Variants in SMAP1 observed in about 807,000 individuals in gnomAD.
SMAP1 encodes stromal membrane-associated protein 1.
A neutral mutation model predicts 58.5 loss-of-function variants in SMAP1; 24 were observed. That is an observed-to-expected ratio of 0.41 (90% CI 0.30 to 0.58). SMAP1 has a LOEUF of 0.58. Among genes scored for constraint, SMAP1 ranks in the 20% least tolerant of loss-of-function variants. The pLI, the probability that SMAP1 is intolerant of heterozygous loss-of-function variation, is 0.29. For synonymous variants in SMAP1, 216 were observed against 196.6 expected, an observed-to-expected ratio of 1.10 and a Z score of -0.82; for missense variants, 563 against 566.3, an observed-to-expected ratio of 0.99 and a Z score of 0.06.
chr6:70,765,309 G>A (rs1400824278), intron 3 of SMAP1, among the ~76,000 whole-genome samples: 2 of 152,030 alleles, frequency 1.3e-5, no homozygotes, highest in African/African-American at 2.4e-5. Context: ...TAATGAAACC[G>A]GTTTTACCCT....
chr6:70,703,686 G>A (rs1052781438), intron 1 of SMAP1, among the ~76,000 whole-genome samples: 11 of 152,074 alleles, frequency 7.2e-5, no homozygotes, highest in Non-Finnish European at 1.5e-4. Context: ...CCTCACACAC[G>A]TGCACCAATC....
Position 70,667,934 on chromosome 6 carries a change from C to G in SMAP1, c.-90C>G. ...TCCTGGGCTGAGTCCGCCCGCGGTCCCGGCGGCGCCAGGTGCGTTCACTCT... is the reference window on the plus strand; with the variant it reads ...TCCTGGGCTGAGTCCGCCCGCGGTCGCGGCGGCGCCAGGTGCGTTCACTCT... On this transcript the variant is annotated 5_prime_UTR_variant, in exon 1 of 11. Transcript: ENST00000370455. The G allele has an allele frequency of 8.7e-7, 1 of 1,154,730 alleles. No individual in the cohort carries two copies. 71.5% of individuals were successfully genotyped at this position (1,154,730 alleles called of 1,614,324 possible). A position where few individuals can be genotyped will look rare whatever the true frequency, so the allele number is the denominator to read the frequency against.
intron 2 of SMAP1, among the ~76,000 whole-genome samples, chr6:70,754,270 C>G (rs761393803): frequency 6.6e-6 from 1 of 152,040 alleles, no homozygotes; most frequent in Non-Finnish European, 1.5e-5. Flanking sequence ...AGTCATTCCT[C>G]ATAGATGACA....
At chr6:70,844,814 ATAAAAAT>A (rs1770927511) in intron 7 of SMAP1, among the ~76,000 whole-genome samples, 1 of 152,224 alleles carries the variant, frequency 6.6e-6, no homozygotes, top group South Asian at 2.1e-4. Flanking sequence ...CCAAGTAATA[ATAAAAAT>A]TAAGGAGAAA....
At chr6:70,783,632 G>A (rs894121698) in intron 4 of SMAP1, among the ~76,000 whole-genome samples, 29 of 152,274 alleles carry the variant, frequency 1.9e-4, no homozygotes, top group Middle Eastern at 3.4e-3. Flanking sequence ...TGAAAGCCAA[G>A]GCTCAAGAAC....
intron 6 of SMAP1, among the ~76,000 whole-genome samples, chr6:70,803,960 T>G (rs1235229803): frequency 1.3e-5 from 2 of 152,202 alleles, no homozygotes; most frequent in African/African-American, 2.4e-5. Context: ...GAATGTATAT[T>G]CTGTTGATTT....
At chr6:70,711,235 T>G (rs1172836415) in intron 1 of SMAP1, among the ~76,000 whole-genome samples, 2 of 152,210 alleles carry the variant, frequency 1.3e-5, no homozygotes, top group Non-Finnish European at 2.9e-5. Context: ...ATAGGTTTAT[T>G]TACACCAGCA....
intron 6 of SMAP1, among the ~76,000 whole-genome samples, chr6:70,818,320 C>T (rs1769734232): frequency 1.3e-5 from 2 of 151,548 alleles, no homozygotes; most frequent in Admixed American, 6.6e-5. Context: ...GCAGGAGAAT[C>T]ACATGAACCC....
At position 70,754,260 on chromosome 6, in the gene SMAP1, A is replaced by G. The variant is rs116952135; in HGVS notation, c.253-720A>G. Among the ~76,000 whole-genome samples, 897 of 152,246 alleles carry G rather than the reference A, an allele frequency of 5.9e-3. 5 individuals are homozygous for G. The highest frequency in any genetic ancestry group is 9.1e-3 in the Non-Finnish European group (616 of 67,982). ...AATATTAAGGAAGTACTGTTTGCATAGTCATTCCTCATAGATGACACTGAA... is the reference window on the plus strand; with the variant it reads ...AATATTAAGGAAGTACTGTTTGCATGGTCATTCCTCATAGATGACACTGAA... On this transcript the variant is annotated intron_variant, in intron 2 of 10. Transcript: ENST00000370455.
chr6:70,783,289 G>C (rs554017379), intron 4 of SMAP1, among the ~76,000 whole-genome samples: 1 of 152,154 alleles, frequency 6.6e-6, no homozygotes, highest in East Asian at 1.9e-4. Context: ...ATCCACACCA[G>C]AAACCCATCT....
At chr6:70,833,595 T>C (rs1177871743) in intron 6 of SMAP1, among the ~76,000 whole-genome samples, 1 of 152,182 alleles carries the variant, frequency 6.6e-6, no homozygotes, top group Non-Finnish European at 1.5e-5. Context: ...AATCTGACCA[T>C]TGTAGGAGCA....
At chr6:70,680,310 A>G (rs148711891) in intron 1 of SMAP1, among the ~76,000 whole-genome samples, 281 of 152,344 alleles carry the variant, frequency 1.8e-3, no homozygotes, top group Non-Finnish European at 2.9e-3. Context: ...ACAAAATTAT[A>G]TTCCATAAAG....
In SMAP1 at chr6:70,861,570, A is replaced by AACAAT; in HGVS notation, c.*1239_*1243dup. ...AAGGCTGCTGTACTGAAGTAAAACA[A>AACAAT]ACAATACCTGAATGCTCTGTAGCCT... is the stretch of plus-strand genomic sequence containing the variant. On this transcript the variant is annotated 3_prime_UTR_variant, in exon 11 of 11. Coordinates refer to ENST00000370455, the MANE Select transcript of SMAP1 (RefSeq NM_001044305.3). The AACAAT allele has an allele frequency of 8.4e-7, 1 of 1,186,010 alleles. No individual in the cohort carries two copies. The highest frequency in any genetic ancestry group is 1.2e-6 in the Non-Finnish European group (1 of 820,154). 73.5% of individuals were successfully genotyped at this position (1,186,010 alleles called of 1,614,324 possible).
chr6:70,676,784 AT>A (rs956743345), intron 1 of SMAP1, among the ~76,000 whole-genome samples: 26 of 151,842 alleles, frequency 1.7e-4, no homozygotes, highest in African/African-American at 6.3e-4. Context: ...TTATTTATTT[AT>A]TTTTTCCTTG....
chr6:70,691,521 T>A (rs1333367637), intron 1 of SMAP1, among the ~76,000 whole-genome samples: 2 of 152,218 alleles, frequency 1.3e-5, no homozygotes, highest in Non-Finnish European at 2.9e-5. Flanking sequence ...AATCACCCTG[T>A]TGTGTTATCA....
At chr6:70,769,025 G>C (rs945274436) in intron 3 of SMAP1, among the ~76,000 whole-genome samples, 16 of 152,114 alleles carry the variant, frequency 1.1e-4, no homozygotes, top group Non-Finnish European at 1.6e-4. Context: ...AGTCATTCAG[G>C]AGCAGGTTGT....
chr6:70,857,882 T>G, intron 9 of SMAP1, 40 bp from the exon 10 acceptor site: 1 of 1,597,972 alleles, frequency 6.3e-7, no homozygotes, highest in Non-Finnish European at 8.5e-7. Context: ...CAACTACACG[T>G]GATAGCTCTG....
intron 4 of SMAP1, among the ~76,000 whole-genome samples, chr6:70,779,779 T>C (rs1450086849): frequency 6.6e-6 from 1 of 152,192 alleles, no homozygotes; most frequent in African/African-American, 2.4e-5. Context: ...GGATCCAGGT[T>C]GTGTGCTCCA....
chr6:70,705,252 A>AT (rs869145071), intron 1 of SMAP1, among the ~76,000 whole-genome samples: 8,702 of 138,042 alleles, frequency 0.063, 322 homozygotes, highest in Non-Finnish European at 0.089. Context: ...GTTCATTATG[A>AT]TTTTTTTTTT....
Sources: allele counts gnomAD v4.1 joint callset (sites outside exome capture counted in the v4.1 genomes callset), GRCh38; gene constraint gnomAD v4.1.1; transcripts MANE v1.5; gene names NCBI Gene and HGNC (gene_info 2026-07-23, HGNC 2026-07-21).